The following SV2C variants were observed in gnomAD, a reference collection of about 807,000 sequenced individuals.
The protein encoded by SV2C is synaptic vesicle glycoprotein 2C.
In SV2C, 49 loss-of-function variants were observed where a neutral mutation model predicts 79.7. The observed-to-expected ratio is 0.61, with a 90% CI of 0.49 to 0.78. The LOEUF (loss-of-function observed/expected upper bound fraction) is 0.78, where lower values mean the gene tolerates loss of function less well. Among genes scored for constraint, SV2C ranks in the 30% least tolerant of loss-of-function variants. SV2C has a pLI of 0.00. For missense variants in SV2C, 833 were observed against 912.9 expected, an observed-to-expected ratio of 0.91 and a Z score of 1.13; for synonymous variants, 334 against 333.2, an observed-to-expected ratio of 1.00 and a Z score of -0.03.
At chr5:76,216,572 G>A (rs938866340) in intron 4 of SV2C, among the ~76,000 whole-genome samples, 15 of 152,176 alleles carry the variant, frequency 9.9e-5, no homozygotes, top group Non-Finnish European at 4.4e-5. Flanking sequence ...TGAGGCAGGA[G>A]AATTGCCTAA....
At chr5:76,194,485 A>G (rs1216797003) in intron 2 of SV2C, among the ~76,000 whole-genome samples, 1 of 152,210 alleles carries the variant, frequency 6.6e-6, no homozygotes, top group Non-Finnish European at 1.5e-5. Flanking sequence ...GGGTCTCATG[A>G]CAGGAGGAAT....
chr5:75,957,713 C>T, the SV2C span, among the ~76,000 whole-genome samples: 4 of 152,032 alleles, frequency 2.6e-5, no homozygotes, highest in South Asian at 6.2e-4. Flanking sequence ...CTTGGTAAGA[C>T]ACATGTGTGA....
Position 76,301,565 on chromosome 5 carries a change from T to C in SV2C, c.2000+20T>C, listed in dbSNP as rs1748002456. ...CCGGAGGTATGTTGAAATGGGCCTC[T>C]AGTAAGAGGCACTCTAAGCCCTGTG... On this transcript the variant is annotated intron_variant, in intron 12 of 12. Transcript: ENST00000502798. 6.2e-7 allele frequency: 1 copy of C among 1,608,920 alleles called. No homozygotes were observed. Among genetic ancestry groups the C allele is most frequent in the African/African-American group, 1.3e-5 (1 of 74,848 alleles).
the SV2C span, among the ~76,000 whole-genome samples, chr5:75,955,792 A>G: frequency 1.3e-4 from 20 of 150,582 alleles, no homozygotes; most frequent in Non-Finnish European, 2.4e-4. Context: ...AACACGTGAA[A>G]AAATGCTCAC....
chr5:76,194,374 G>C (rs1744202310), intron 2 of SV2C, among the ~76,000 whole-genome samples: 1 of 152,192 alleles, frequency 6.6e-6, no homozygotes. Flanking sequence ...CTGTAAATAA[G>C]AGATCTGCTA....
intron 12 of SV2C, among the ~76,000 whole-genome samples, chr5:76,310,047 T>C (rs1748373416): frequency 6.8e-6 from 1 of 147,986 alleles, no homozygotes; most frequent in Admixed American, 6.8e-5. Flanking sequence ...CACTATTTCA[T>C]TCAAAAAAAA....
the SV2C span, among the ~76,000 whole-genome samples, chr5:75,869,939 C>G: frequency 1.3e-5 from 2 of 152,148 alleles, no homozygotes; most frequent in Non-Finnish European, 2.9e-5. Context: ...AAAACCACAG[C>G]GTTTCTGGGC....
At chr5:76,124,199 A>G (rs1748625603) in intron 1 of SV2C, among the ~76,000 whole-genome samples, 2 of 152,154 alleles carry the variant, frequency 1.3e-5, no homozygotes, top group Admixed American at 1.3e-4. Flanking sequence ...CAACACTACC[A>G]TTCATCTCCA....
the SV2C span, among the ~76,000 whole-genome samples, chr5:75,882,265 G>T: frequency 1.3e-5 from 2 of 151,608 alleles, no homozygotes; most frequent in African/African-American, 4.9e-5. Flanking sequence ...ACAAACAAAT[G>T]GAAGAATATT....
chr5:76,053,564 T>G, the SV2C span, among the ~76,000 whole-genome samples: 1 of 152,208 alleles, frequency 6.6e-6, no homozygotes, highest in Non-Finnish European at 1.5e-5. Context: ...GATACTATGA[T>G]GGCTTTCTCC....
At chr5:75,885,152 A>G in the SV2C span, among the ~76,000 whole-genome samples, 1 of 152,148 alleles carries the variant, frequency 6.6e-6, no homozygotes, top group Admixed American at 6.6e-5. Context: ...GATTTCCAAG[A>G]AAATACTCCC....
At chr5:76,100,998 A>G in intron 1 of SV2C, among the ~76,000 whole-genome samples, 1 of 152,200 alleles carries the variant, frequency 6.6e-6, no homozygotes, top group East Asian at 1.9e-4. Flanking sequence ...CTCGTTTAAT[A>G]ACCACTGATT....
At chr5:76,160,988 A>C (rs73132222) in intron 2 of SV2C, among the ~76,000 whole-genome samples, 2,869 of 152,314 alleles carry the variant, frequency 0.019, 103 homozygotes, top group African/African-American at 0.064. Context: ...ACAGGTAATC[A>C]CAGAGTTATT....
intron 1 of SV2C, among the ~76,000 whole-genome samples, chr5:76,085,140 A>C (rs956120101): frequency 1.6e-4 from 25 of 152,176 alleles, no homozygotes; most frequent in African/African-American, 4.3e-4. Context: ...TCAGGCGTTC[A>C]CTCATTTTCC....
the SV2C span, among the ~76,000 whole-genome samples, chr5:75,970,494 C>G: frequency 1.3e-5 from 2 of 151,944 alleles, no homozygotes; most frequent in African/African-American, 4.8e-5. Flanking sequence ...AAGGGGATAT[C>G]ACCACCGATC....
At chr5:75,867,819 G>C in the SV2C span, among the ~76,000 whole-genome samples, 2 of 152,116 alleles carry the variant, frequency 1.3e-5, no homozygotes, top group African/African-American at 4.8e-5. Context: ...ACCTCTCTCA[G>C]CAAAAGCTGT....
intron 1 of SV2C, among the ~76,000 whole-genome samples, chr5:76,094,820 C>A (rs1747496884): frequency 6.6e-6 from 1 of 151,982 alleles, no homozygotes; most frequent in Non-Finnish European, 1.5e-5. Context: ...TTTAAGAGTT[C>A]TTTGTGTATT....
intron 8 of SV2C, among the ~76,000 whole-genome samples, chr5:76,293,617 G>T (rs1458480228): frequency 2.6e-5 from 4 of 152,000 alleles, no homozygotes; most frequent in Non-Finnish European, 5.9e-5. Context: ...CATAAATGTT[G>T]TACCCCTAAG....
At chr5:76,211,965 G>A (rs904025031) in intron 4 of SV2C, among the ~76,000 whole-genome samples, 3 of 152,148 alleles carry the variant, frequency 2.0e-5, no homozygotes, top group Non-Finnish European at 4.4e-5. Context: ...TGAGTTCAGG[G>A]TGCCAAGCTC....
Sources: allele counts gnomAD v4.1 joint callset (sites outside exome capture counted in the v4.1 genomes callset), GRCh38; gene constraint gnomAD v4.1.1; transcripts MANE v1.5; gene names NCBI Gene and HGNC (gene_info 2026-07-23, HGNC 2026-07-21).